SPECC1: variants seen among roughly 807,000 people sequenced by gnomAD.
The protein encoded by SPECC1 is cytospin-B.
In SPECC1, 62 loss-of-function variants were observed where a neutral mutation model predicts 104.1. That is an observed-to-expected ratio of 0.60 (90% CI 0.49 to 0.74). The LOEUF (loss-of-function observed/expected upper bound fraction) is 0.74. Among genes scored for constraint, SPECC1 ranks in the 30% least tolerant of loss-of-function variants. SPECC1 has a pLI of 0.00. For missense variants in SPECC1, 1,306 were observed against 1,310.5 expected (o/e 1.00, Z 0.05); for synonymous variants, 513 against 501.6 (o/e 1.02, Z -0.30).
At chr17:20,237,026 TCA>T (rs1469346343) in intron 7 of SPECC1, 6 of 1,533,746 alleles carry the variant, frequency 3.9e-6, no homozygotes, top group African/African-American at 2.7e-5. Context: ...TCTCTGTTTC[TCA>T]GAGTCATTGC....
chr17:20,315,798 A>C lies in SPECC1; in HGVS notation c.*1733A>C, dbSNP rs1451360635. The C allele has an allele frequency of 8.6e-6, 2 of 232,662 alleles. No homozygotes were observed. Among genetic ancestry groups the C allele is most frequent in the Non-Finnish European group, 1.7e-5 (2 of 117,720 alleles). The allele number at this position is 232,662 out of a possible 1,614,324, so 14.4% of individuals were successfully genotyped here. ...CTGATTCTCAAGCCACCTTGAGACA[A>C]GAACTCCGCCCCCCTGTTAGTGCAT... On this transcript the variant is annotated 3_prime_UTR_variant, in exon 15 of 15. Coordinates refer to ENST00000395527, the MANE Select transcript of SPECC1 (RefSeq NM_001243439.2).
chr17:20,017,402 G>C (rs2044184717), intron 1 of SPECC1: 1 of 153,672 alleles, frequency 6.5e-6, no homozygotes, highest in South Asian at 2.1e-4. Flanking sequence ...GAGTCAGCGA[G>C]ACTACGAACC....
chr17:20,134,164 A>G (rs1442521515), intron 3 of SPECC1, among the ~76,000 whole-genome samples: 1 of 151,440 alleles, frequency 6.6e-6, no homozygotes, highest in Admixed American at 6.6e-5. Flanking sequence ...CCCTATGTAT[A>G]TATAATAAAG....
At chr17:20,096,952 G>A (rs1343232477) in intron 2 of SPECC1, among the ~76,000 whole-genome samples, 154 bp downstream of exon 2, 1 of 152,218 alleles carries the variant, frequency 6.6e-6, no homozygotes, top group East Asian at 1.9e-4. Flanking sequence ...TGGACATGAA[G>A]GAATAGAGCT....
At chr17:20,239,082 T>C (rs1318280381) in intron 7 of SPECC1, 1 of 1,032,622 alleles carries the variant, frequency 9.7e-7, no homozygotes, top group East Asian at 6.1e-5. Flanking sequence ...GTTTCATTAG[T>C]AGAACAAAAG....
chr17:20,241,961 G>T (rs1030172413), intron 7 of SPECC1, among the ~76,000 whole-genome samples: 2 of 152,202 alleles, frequency 1.3e-5, no homozygotes, highest in African/African-American at 4.8e-5. Context: ...GGGGAGTCTT[G>T]GGAGATTAAC....
chr17:20,266,476 C>T (rs995812180), intron 12 of SPECC1, among the ~76,000 whole-genome samples: 6 of 151,960 alleles, frequency 3.9e-5, no homozygotes, highest in South Asian at 2.1e-4. Context: ...CCCAGCTGCT[C>T]GGGAGGCTGA....
chr17:20,034,287 C>T (rs577836096), intron 1 of SPECC1, among the ~76,000 whole-genome samples: 41 of 151,100 alleles, frequency 2.7e-4, no homozygotes, highest in East Asian at 1.6e-3. Context: ...TTGGTAGAGA[C>T]GGGGTTTCAC....
chr17:20,190,494 T>G (rs1194533905), intron 3 of SPECC1, among the ~76,000 whole-genome samples: 2 of 152,158 alleles, frequency 1.3e-5, no homozygotes, highest in African/African-American at 4.8e-5. Flanking sequence ...ATAAACACTC[T>G]TTTTTAAAGA....
rs758217458 is a variant in SPECC1 at position 20,296,940 on chromosome 17, T to G, written c.2941-21T>G. 3.7e-6 allele frequency: 6 copies of G among 1,609,526 alleles called. No individual in the cohort carries two copies. In the East Asian group the frequency reaches 1.3e-4, roughly 36 times the overall value. On this transcript the variant is annotated intron_variant, in intron 12 of 14. Transcript: ENST00000395527. ...ACAGTTTGCAATAGTTCTTGTTTATTACTACTTTTCTCTCCTGCAGAACAT... is the reference window on the plus strand; with the variant it reads ...ACAGTTTGCAATAGTTCTTGTTTATGACTACTTTTCTCTCCTGCAGAACAT...
At chr17:20,077,574 C>T (rs2046809008) in intron 1 of SPECC1, among the ~76,000 whole-genome samples, 1 of 152,056 alleles carries the variant, frequency 6.6e-6, no homozygotes, top group Non-Finnish European at 1.5e-5. Context: ...TCAAGCGATT[C>T]TCCTGCCTCA....
Position 20,046,524 on chromosome 17 carries a change from T to C in SPECC1, c.-22+37100T>C, listed in dbSNP as rs140126739. Among the ~76,000 whole-genome samples, 27 of 152,246 alleles carry C rather than the reference T, an allele frequency of 1.8e-4. 1 individual carries two copies. The East Asian group carries it at 5.2e-3, about 29-fold the overall frequency. ...CCCTGCCCCTCTGGAGTTTATGTACTAGAGGGGGTGGCAAACAATGTAATA... is the reference window on the plus strand; with the variant it reads ...CCCTGCCCCTCTGGAGTTTATGTACCAGAGGGGGTGGCAAACAATGTAATA... On this transcript the variant is annotated intron_variant, in intron 1 of 14. Coordinates refer to ENST00000395527, the MANE Select transcript of SPECC1 (RefSeq NM_001243439.2).
chr17:20,205,936 G>GT, intron 4 of SPECC1, 24 bp downstream of exon 4: 1 of 1,583,954 alleles, frequency 6.3e-7, no homozygotes, highest in South Asian at 1.2e-5. Context: ...GCTCTTTACT[G>GT]GTATTTGCTC....
At chr17:20,112,086 G>C (rs2048523249) in intron 3 of SPECC1, 1 of 765,852 alleles carries the variant, frequency 1.3e-6, no homozygotes, top group African/African-American at 1.7e-5. Flanking sequence ...ATTCCACATA[G>C]ACTGGCTAAC....
rs150677701 is a variant in SPECC1, at chr17:20,228,472, A to C, written c.2071+852A>C. Among the ~76,000 whole-genome samples, 476 of 152,142 alleles carry C rather than the reference A, an allele frequency of 3.1e-3. 1 individual carries two copies. Among genetic ancestry groups the C allele is most frequent in the Non-Finnish European group, 5.0e-3 (342 of 67,950 alleles). On this transcript the variant is annotated intron_variant, in intron 5 of 14. Coordinates refer to ENST00000395527, the MANE Select transcript of SPECC1 (RefSeq NM_001243439.2). ...AGGATACTTTAGCTGTGACTGTGAG[A>C]GTTCACAGGGACCCTTCCTAAGGAT... is the stretch of plus-strand genomic sequence containing the variant.
intron 3 of SPECC1, among the ~76,000 whole-genome samples, chr17:20,199,271 G>A (rs552425711): frequency 6.6e-6 from 1 of 151,208 alleles, no homozygotes; most frequent in Admixed American, 6.6e-5. Context: ...ATTTTTAGTA[G>A]AGACAGGGTT....
intron 12 of SPECC1, among the ~76,000 whole-genome samples, chr17:20,272,024 G>T (rs1234083370): frequency 1.3e-5 from 2 of 152,132 alleles, no homozygotes; most frequent in African/African-American, 4.8e-5. Flanking sequence ...AAGCTCATAG[G>T]AGGTTCTGGT....
At chr17:20,076,830 A>G (rs2046777898) in intron 1 of SPECC1, among the ~76,000 whole-genome samples, 1 of 151,056 alleles carries the variant, frequency 6.6e-6, no homozygotes, top group South Asian at 2.1e-4. Context: ...TGACAGTATC[A>G]TGGGGAAAAA....
At chr17:20,237,855 G>C (rs2039008166) in intron 7 of SPECC1, 1 of 212,082 alleles carries the variant, frequency 4.7e-6, no homozygotes, top group African/African-American at 2.3e-5. Context: ...CTATTCTCCT[G>C]CCTTGGCCTC....
Sources: allele counts gnomAD v4.1 joint callset (sites outside exome capture counted in the v4.1 genomes callset), GRCh38; gene constraint gnomAD v4.1.1; transcripts MANE v1.5; gene names NCBI Gene and HGNC (gene_info 2026-07-23, HGNC 2026-07-21).